Variants in SNTB1 observed in about 807,000 individuals in gnomAD.
The protein encoded by SNTB1 is beta-1-syntrophin.
SNTB1 carries 36 observed loss-of-function variants against 48.9 expected under a neutral mutation model. That is an observed-to-expected ratio of 0.74 (90% CI 0.56 to 0.97). SNTB1 has a LOEUF of 0.97. Among genes scored for constraint, SNTB1 ranks in the 50% least tolerant of loss-of-function variants. SNTB1 has a pLI of 0.00. For missense variants in SNTB1, 786 were observed against 703.4 expected (o/e 1.12, Z -1.33); for synonymous variants, 299 against 294.6 (o/e 1.01, Z -0.15).
In SNTB1 at chr8:120,779,577, C is replaced by T. The variant is rs1019658652; in HGVS notation, c.571+31696G>A. Among the ~76,000 whole-genome samples, 4 of 152,110 alleles carry T rather than the reference C, an allele frequency of 2.6e-5. No individual in the cohort carries two copies. The South Asian group carries it at 6.2e-4, about 24-fold the overall frequency. Reference sequence around the variant, plus strand: ...TAGAAGCTGATGACTGAGAGCCCAACTGTAGAAGATATTGCTGTAATCTAG... The same window carrying T: ...TAGAAGCTGATGACTGAGAGCCCAATTGTAGAAGATATTGCTGTAATCTAG... On this transcript the variant is annotated intron_variant, in intron 1 of 6. Coordinates refer to ENST00000517992, the MANE Select transcript of SNTB1 (RefSeq NM_021021.4).
rs377398729 is a variant in SNTB1, at chr8:120,811,599, G to T, written c.245C>A (p.Ala82Glu). The change falls in exon 1 of 7, where the codon GCG becomes GAG. Residue 82 changes from alanine (A) to glutamate (E), a missense_variant. By Grantham distance (107) the Ala-to-Glu change is moderately radical (BLOSUM62 -1). Transcript: ENST00000517992. ...CCCGGCGGGCGAGTCCGGGGGCTGC[G>T]CGCCGCCCGCGCCCGGGTGCCCAGC... ...AGAGHPGAGGAQPPDSPAGVR... is the reference protein window; with the variant it reads ...AGAGHPGAGGEQPPDSPAGVR... 9 of 1,569,540 alleles carry T rather than the reference G, an allele frequency of 5.7e-6. No homozygotes were observed. The highest frequency in any genetic ancestry group is 7.7e-6 in the Non-Finnish European group (9 of 1,161,574).
chr8:120,591,401 G>T (rs1816238489), intron 3 of SNTB1, among the ~76,000 whole-genome samples: 1 of 152,044 alleles, frequency 6.6e-6, no homozygotes, highest in African/African-American at 2.4e-5. Context: ...TCCATGTTAA[G>T]ATCTAAGGGT....
chr8:120,715,649 G>A (rs940283966), intron 1 of SNTB1, among the ~76,000 whole-genome samples: 5 of 152,244 alleles, frequency 3.3e-5, no homozygotes, highest in African/African-American at 9.6e-5. Context: ...TTCATGTGAT[G>A]TCAACACTGA....
chr8:120,596,017 G>A (rs1332941440), intron 3 of SNTB1, among the ~76,000 whole-genome samples: 1 of 152,054 alleles, frequency 6.6e-6, no homozygotes. Flanking sequence ...GCTTTTTCAT[G>A]CATGTGTTTC....
chr8:120,641,391 T>C (rs771340171), intron 2 of SNTB1, among the ~76,000 whole-genome samples: 3 of 152,254 alleles, frequency 2.0e-5, no homozygotes, highest in Non-Finnish European at 4.4e-5. Context: ...TACAATGTTT[T>C]CTTTTGAAGG....
intron 1 of SNTB1, among the ~76,000 whole-genome samples, chr8:120,728,449 T>C (rs906872931): frequency 2.0e-5 from 3 of 152,174 alleles, no homozygotes; most frequent in African/African-American, 7.2e-5. Context: ...GTACTGAGCA[T>C]AGTACCCAAC....
chr8:120,575,174 C>A lies in SNTB1; in HGVS notation c.1048G>T (p.Glu350Ter). ...QWKPALVVLT[E>*]KDLLIYDSMP... ...CTGTCATAGATTAAAAGGTCTTTCT[C>A]AGTCAGCACAACCAGGGCTGGTTTC... Residue 350 changes from glutamate (E) to a stop codon, truncating the protein, a stop_gained, in exon 4 of 7, where the codon GAG (glutamate) becomes TAG (stop). Coordinates refer to ENST00000517992, the MANE Select transcript of SNTB1 (RefSeq NM_021021.4). LOFTEE classifies it high-confidence loss of function. The A allele has an allele frequency of 6.2e-7, 1 of 1,614,134 alleles. No individual in the cohort carries two copies. The highest frequency in any genetic ancestry group is 1.1e-5 in the South Asian group (1 of 91,078).
intron 1 of SNTB1, among the ~76,000 whole-genome samples, chr8:120,754,516 A>AG (rs1471112477): frequency 1.3e-5 from 2 of 152,042 alleles, no homozygotes. Flanking sequence ...AAAGAAATCT[A>AG]GTTCTGGGAT....
At chr8:120,670,013 G>A (rs1422141960) in intron 2 of SNTB1, among the ~76,000 whole-genome samples, 1 of 152,138 alleles carries the variant, frequency 6.6e-6, no homozygotes, top group Non-Finnish European at 1.5e-5. Flanking sequence ...TTTTCTCTAA[G>A]GTTCCTTTCA....
At chr8:120,560,826 C>T (rs538130295) in intron 4 of SNTB1, among the ~76,000 whole-genome samples, 28 of 152,088 alleles carry the variant, frequency 1.8e-4, no homozygotes, top group African/African-American at 6.3e-4. Flanking sequence ...GTTTAATTGC[C>T]GCAACGCTTC....
intron 1 of SNTB1, among the ~76,000 whole-genome samples, chr8:120,712,031 A>T (rs1818472053): frequency 6.6e-6 from 1 of 152,224 alleles, no homozygotes; most frequent in Admixed American, 6.5e-5. Flanking sequence ...AAACATTAAG[A>T]CATACTTCAG....
At chr8:120,766,644 T>G (rs1415228958) in intron 1 of SNTB1, among the ~76,000 whole-genome samples, 1 of 152,232 alleles carries the variant, frequency 6.6e-6, no homozygotes, top group African/African-American at 2.4e-5. Context: ...AGACATAGTG[T>G]ATCTTCCAAG....
chr8:120,752,730 C>A (rs553356672), intron 1 of SNTB1, among the ~76,000 whole-genome samples: 1 of 151,890 alleles, frequency 6.6e-6, no homozygotes, highest in Non-Finnish European at 1.5e-5. Flanking sequence ...AACAGAAAAC[C>A]AAATACCACA....
rs1335129570 is a variant in SNTB1, at chr8:120,811,906, C to T, written c.-63G>A. On this transcript the variant is annotated 5_prime_UTR_variant, in exon 1 of 7. Transcript: ENST00000517992. ...GGGGGGAAAAGTGGGGAAGGGTGGC[C>T]GGGGGGAGGACGCGGGGCCCGGGGG... is the stretch of plus-strand genomic sequence containing the variant. The T allele has an allele frequency of 9.1e-7, 1 of 1,094,824 alleles. No individual in the cohort carries two copies. The highest frequency in any genetic ancestry group is 3.5e-5 in the East Asian group (1 of 28,548). The allele number at this position is 1,094,824 out of a possible 1,614,324, so 67.8% of individuals were successfully genotyped here. A position where few individuals can be genotyped will look rare whatever the true frequency, so the allele number is the denominator to read the frequency against.
intron 1 of SNTB1, among the ~76,000 whole-genome samples, chr8:120,722,924 G>A (rs1293562970): frequency 6.6e-6 from 1 of 152,148 alleles, no homozygotes; most frequent in Admixed American, 6.6e-5. Context: ...TTTGTATAAG[G>A]TGTAAGGAAG....
At chr8:120,700,077 G>A (rs1327958916) in intron 1 of SNTB1, among the ~76,000 whole-genome samples, 1 of 152,114 alleles carries the variant, frequency 6.6e-6, no homozygotes, top group African/African-American at 2.4e-5. Flanking sequence ...GAAGCATGAG[G>A]TGAATCCGGG....
At chr8:120,750,808 G>C (rs1198749019) in intron 1 of SNTB1, among the ~76,000 whole-genome samples, 1 of 152,028 alleles carries the variant, frequency 6.6e-6, no homozygotes, top group Non-Finnish European at 1.5e-5. Context: ...TGAAAGGCTG[G>C]CTTCCCTCTT....
At chr8:120,768,075 G>GT (rs1257477829) in intron 1 of SNTB1, among the ~76,000 whole-genome samples, 6 of 152,160 alleles carry the variant, frequency 3.9e-5, no homozygotes, top group African/African-American at 7.2e-5. Context: ...CCAAGAGCCA[G>GT]TTTTTTTGAG....
intron 3 of SNTB1, among the ~76,000 whole-genome samples, chr8:120,613,583 C>A (rs1816661703): frequency 6.6e-6 from 1 of 152,148 alleles, no homozygotes; most frequent in Admixed American, 6.5e-5. Context: ...ACAGTAATGT[C>A]ATGTACTACA....
Sources: gnomAD v4.1 joint callset for allele counts (sites outside exome capture counted in the v4.1 genomes callset) on GRCh38, gnomAD v4.1.1 for gene constraint, MANE v1.5 for transcripts, NCBI Gene and HGNC (gene_info 2026-07-23, HGNC 2026-07-21) for gene names.